The following CDH19 variants were observed in gnomAD, a reference collection of about 807,000 sequenced individuals.
CDH19 encodes cadherin 19.
CDH19 carries 67 observed loss-of-function variants against 64.2 expected under a neutral mutation model. That is an observed-to-expected ratio of 1.04 (90% CI 0.86 to 1.28). The LOEUF (loss-of-function observed/expected upper bound fraction) is 1.28, where lower values mean the gene tolerates loss of function less well. Among genes scored for constraint, CDH19 ranks in the 50% most tolerant of loss-of-function variants. CDH19 has a pLI of 0.00. For synonymous variants in CDH19, 346 were observed against 319.3 expected, an observed-to-expected ratio of 1.08 and a Z score of -0.89; for missense variants, 1,030 against 929.0, an observed-to-expected ratio of 1.11 and a Z score of -1.41.
At chr18:66,565,897 T>A (rs186700001) in intron 3 of CDH19, among the ~76,000 whole-genome samples, 199 of 152,102 alleles carry the variant, frequency 1.3e-3, no homozygotes, top group African/African-American at 4.7e-3. Flanking sequence ...GGACCCTAAC[T>A]GGCACTCACA....
At chr18:66,507,672 A>T (rs889358881) in intron 11 of CDH19, among the ~76,000 whole-genome samples, 8 of 152,018 alleles carry the variant, frequency 5.3e-5, no homozygotes, top group Admixed American at 1.3e-4. Context: ...GCGCTCTTTT[A>T]CTGGGATTTC....
At chr18:66,548,241 C>A (rs1468033189) in intron 5 of CDH19, among the ~76,000 whole-genome samples, 1 of 120,278 alleles carries the variant, frequency 8.3e-6, no homozygotes, top group Non-Finnish European at 1.7e-5. Context: ...TCCTCTGAAC[C>A]CCTTTATATA....
In CDH19 at chr18:66,517,207, C is replaced by T. The variant is rs117753842; in HGVS notation, c.1459-5522G>A. Among the ~76,000 whole-genome samples, 1,262 of 151,506 alleles carry T rather than the reference C, an allele frequency of 8.3e-3. 12 individuals carry two copies. Among genetic ancestry groups the T allele is most frequent in the Middle Eastern group, 0.017 (5 of 292 alleles). ...AATGAGTTCAGGAAACTTTTGGACA[C>T]AAAAGTGAAAGGAAGAGAATCATAG... On this transcript the variant is annotated intron_variant, in intron 9 of 11. Coordinates refer to ENST00000262150, the MANE Select transcript of CDH19 (RefSeq NM_021153.4).
chr18:66,554,022 T>C (rs1219673189), intron 4 of CDH19, among the ~76,000 whole-genome samples: 2 of 151,960 alleles, frequency 1.3e-5, no homozygotes, highest in Non-Finnish European at 2.9e-5. Flanking sequence ...TTTTAGTTTG[T>C]ATTCCCTGAT....
Position 66,597,162 on chromosome 18 carries a change from T to TAAAAAAAAAAAAAA in CDH19, c.-113+6778_-113+6791dup, listed in dbSNP as rs71169160. On this transcript the variant is annotated intron_variant, in intron 1 of 11. Coordinates refer to ENST00000262150, the MANE Select transcript of CDH19 (RefSeq NM_021153.4). ...CCAAAGAGCCAAAGCAATCTTAAGTTAAAAAAAAAAAAAAAAAGCTGGAAG... is the reference window on the plus strand; with the variant it reads ...CCAAAGAGCCAAAGCAATCTTAAGTTAAAAAAAAAAAAAAAAAAAAAAAAAAAAAAAGCTGGAAG... Among the ~76,000 whole-genome samples, 148 of 86,210 alleles carry TAAAAAAAAAAAAAA rather than the reference T, an allele frequency of 1.7e-3. 4 individuals carry two copies. Among genetic ancestry groups the TAAAAAAAAAAAAAA allele is most frequent in the African/African-American group, 3.5e-3 (97 of 27,804 alleles). 56.6% of individuals were successfully genotyped at this position (86,210 alleles called of 152,430 possible). A position where few individuals can be genotyped will look rare whatever the true frequency, so the allele number is the denominator to read the frequency against.
At chr18:66,596,809 G>A (rs547945562) in intron 1 of CDH19, among the ~76,000 whole-genome samples, 13 of 151,940 alleles carry the variant, frequency 8.6e-5, no homozygotes, top group East Asian at 3.9e-4. Flanking sequence ...TAGGCCGGGC[G>A]CGGTGGCTCA....
intron 4 of CDH19, among the ~76,000 whole-genome samples, chr18:66,553,099 T>C (rs1277980825): frequency 7.4e-6 from 1 of 134,764 alleles, no homozygotes; most frequent in East Asian, 1.9e-4. Context: ...TGAAACTTTT[T>C]GGTTTTACTT....
At chr18:66,517,076 T>C (rs482015) in intron 9 of CDH19, among the ~76,000 whole-genome samples, 34,991 of 151,928 alleles carry the variant, frequency 0.23, 4,447 homozygotes, top group East Asian at 0.46. Flanking sequence ...TGAGTTGTTT[T>C]CTCAGGTTAG....
Position 66,543,958 on chromosome 18 carries a change from C to A in CDH19, c.1214+13G>T. On this transcript the variant is annotated intron_variant, in intron 7 of 11. Coordinates refer to ENST00000262150, the MANE Select transcript of CDH19 (RefSeq NM_021153.4). ...ACTTATTTATTAATGCAAAACTGAC[C>A]TTACAGACATACCTGATAGGAGATT... The A allele has an allele frequency of 1.9e-6, 3 of 1,588,334 alleles. No individual in the cohort carries two copies. The highest frequency in any genetic ancestry group is 1.7e-6 in the Non-Finnish European group (2 of 1,165,286).
chr18:66,524,651 C>G (rs1986150942), intron 9 of CDH19, among the ~76,000 whole-genome samples: 1 of 149,992 alleles, frequency 6.7e-6, no homozygotes, highest in African/African-American at 2.4e-5. Context: ...AAAGAGTACT[C>G]TAGGGAAGTG....
chr18:66,577,148 G>A (rs1214418904), intron 1 of CDH19, among the ~76,000 whole-genome samples: 1 of 151,588 alleles, frequency 6.6e-6, no homozygotes, highest in Non-Finnish European at 1.5e-5. Context: ...CCAAAGTGTT[G>A]TATAAATGCA....
At chr18:66,512,913 A>G (rs968637433) in intron 9 of CDH19, among the ~76,000 whole-genome samples, 1 of 151,456 alleles carries the variant, frequency 6.6e-6, no homozygotes, top group Non-Finnish European at 1.5e-5. Context: ...CATTTTCAGG[A>G]TTATAGGTCT....
At position 66,552,533 on chromosome 18, in the gene CDH19, T is replaced by C. The variant is rs1421695404; in HGVS notation, c.611-1275A>G. Among the ~76,000 whole-genome samples the C allele has an allele frequency of 1.1e-4, 10 of 89,702 alleles. 3 individuals are homozygous for C. Among genetic ancestry groups the C allele is most frequent in the Non-Finnish European group, 2.0e-4 (10 of 49,398 alleles). 58.8% of individuals were successfully genotyped at this position (89,702 alleles called of 152,430 possible). On this transcript the variant is annotated intron_variant, in intron 4 of 11. Transcript: ENST00000262150. Reference sequence around the variant, plus strand: ...ATTCAATATGTTGCACAAGTGCTGCTAGCGTCTCCCTGTATGTGACTCAGG... The same window carrying C: ...ATTCAATATGTTGCACAAGTGCTGCCAGCGTCTCCCTGTATGTGACTCAGG...
At chr18:66,603,288 T>A (rs1449127023) in intron 1 of CDH19, among the ~76,000 whole-genome samples, 3 of 150,998 alleles carry the variant, frequency 2.0e-5, no homozygotes, top group African/African-American at 7.2e-5. Flanking sequence ...AAAATGTCTT[T>A]TACAGTATGC....
At chr18:66,520,241 C>T (rs766048807) in intron 9 of CDH19, among the ~76,000 whole-genome samples, 2 of 151,270 alleles carry the variant, frequency 1.3e-5, no homozygotes, top group South Asian at 2.1e-4. Context: ...CAGTTCCAAT[C>T]GAAAGAGAAA....
At chr18:66,526,857 A>C (rs1986241090) in intron 9 of CDH19, among the ~76,000 whole-genome samples, 1 of 152,034 alleles carries the variant, frequency 6.6e-6, no homozygotes, top group Admixed American at 6.5e-5. Flanking sequence ...TGTGTTGCTC[A>C]AAGTATTACA....
chr18:66,513,265 T>C (rs1056152817), intron 9 of CDH19, among the ~76,000 whole-genome samples: 7 of 151,522 alleles, frequency 4.6e-5, no homozygotes, highest in Non-Finnish European at 8.9e-5. Context: ...GGAGATATGC[T>C]GTATGTATGT....
In CDH19 at chr18:66,587,574, C is replaced by A. The variant is rs147131836; in HGVS notation, c.-112-15258G>T. Among the ~76,000 whole-genome samples the A allele has an allele frequency of 8.1e-3, 1,237 of 152,198 alleles. 18 individuals carry two copies. The highest frequency in any genetic ancestry group is 0.022 in the African/African-American group (928 of 41,554). On this transcript the variant is annotated intron_variant, in intron 1 of 11. Coordinates refer to ENST00000262150, the MANE Select transcript of CDH19 (RefSeq NM_021153.4). ...TGTCTCTTGCAATTGCACAAGGTTA[C>A]ATGACTGGTTTTACTAACAAGATAT... is the stretch of plus-strand genomic sequence containing the variant.
intron 1 of CDH19, among the ~76,000 whole-genome samples, chr18:66,583,118 T>C (rs1452252536): frequency 6.6e-6 from 1 of 152,134 alleles, no homozygotes; most frequent in East Asian, 1.9e-4. Context: ...ATCTTAATTA[T>C]GTCTTTACCA....
Sources: allele counts gnomAD v4.1 joint callset (sites outside exome capture counted in the v4.1 genomes callset), GRCh38; gene constraint gnomAD v4.1.1; transcripts MANE v1.5; gene names NCBI Gene and HGNC (gene_info 2026-07-23, HGNC 2026-07-21).